The following ZNF570 variants were observed in gnomAD, a reference collection of about 807,000 sequenced individuals.
The protein encoded by ZNF570 is zinc finger protein 570.
In ZNF570, 8 loss-of-function variants were observed where a neutral mutation model predicts 14.2. The observed-to-expected ratio is 0.56, with a 90% CI of 0.33 to 1.02. ZNF570 has a LOEUF of 1.02. ZNF570 is among the 50% of genes least tolerant of loss of function. ZNF570 has a pLI of 0.03. For synonymous variants in ZNF570, 202 were observed against 207.6 expected, an observed-to-expected ratio of 0.97 and a Z score of 0.23; for missense variants, 559 against 624.9, an observed-to-expected ratio of 0.89 and a Z score of 1.12.
In ZNF570 at chr19:37,485,843, G is replaced by A. The variant is rs1201818608; in HGVS notation, c.*610G>A. On this transcript the variant is annotated 3_prime_UTR_variant, in exon 5 of 5. Coordinates refer to ENST00000330173, the MANE Select transcript of ZNF570 (RefSeq NM_144694.5). ...AGATCACCCAAGGTCAGGAGTTTGA[G>A]ACCAGCCAGACTAACATGGCGAAAC... 1 of 152,152 alleles carries A rather than the reference G, an allele frequency of 6.6e-6. No individual in the cohort carries two copies. The highest frequency in any genetic ancestry group is 1.5e-5 in the Non-Finnish European group (1 of 68,086). The allele number at this position is 152,152 out of a possible 1,614,324, so 9.4% of individuals were successfully genotyped here.
At chr19:37,469,810 C>T (rs1479393143) in intron 1 of ZNF570, among the ~76,000 whole-genome samples, 1 of 152,172 alleles carries the variant, frequency 6.6e-6, no homozygotes, top group African/African-American at 2.4e-5. Flanking sequence ...GTGAGGCAGT[C>T]CATACCCATG....
upstream of ZNF570, chr19:37,468,003 C>A (rs756639386): frequency 7.0e-7 from 1 of 1,433,684 alleles, no homozygotes; most frequent in Admixed American, 2.0e-5. Context: ...CGCCTGACTT[C>A]TAAACAGACT....
chr19:37,468,317 G>A (rs755037028), upstream of ZNF570, among the ~76,000 whole-genome samples: 4 of 152,144 alleles, frequency 2.6e-5, no homozygotes, highest in African/African-American at 4.8e-5. Flanking sequence ...TCGAACTCCT[G>A]AGCTCAAGCG....
chr19:37,469,499 G>A lies in ZNF570; in HGVS notation c.-110G>A, dbSNP rs891660671. ...CAGGTCGGGAGTGGGCTGAGGAGTGGCGTGTGGGTCTCCGGAAGCTCGTCG... is the reference window on the plus strand; with the variant it reads ...CAGGTCGGGAGTGGGCTGAGGAGTGACGTGTGGGTCTCCGGAAGCTCGTCG... On this transcript the variant is annotated 5_prime_UTR_variant, in exon 1 of 5. Coordinates refer to ENST00000330173, the MANE Select transcript of ZNF570 (RefSeq NM_144694.5). 8 of 1,536,402 alleles carry A rather than the reference G, an allele frequency of 5.2e-6. No individual in the cohort carries two copies. In the Admixed American group the frequency reaches 1.6e-4, roughly 30 times the overall value.
In ZNF570 at chr19:37,475,886, G is replaced by C; in HGVS notation, c.39G>C (p.Leu13Phe). The C allele has an allele frequency of 6.2e-7, 1 of 1,607,912 alleles. No individual in the cohort carries two copies. The highest frequency in any genetic ancestry group is 8.5e-7 in the Non-Finnish European group (1 of 1,178,284). ...VGLLKAMYQE[L>F]VTFRDVAVDF... ...TTCCATTTATTTCATTTCAGGAGTTGGTGACCTTCAGAGATGTGGCTGTAG... is the reference window on the plus strand; with the variant it reads ...TTCCATTTATTTCATTTCAGGAGTTCGTGACCTTCAGAGATGTGGCTGTAG... The change falls in exon 3 of 5, where the codon TTG becomes TTC. Residue 13 changes from leucine (L) to phenylalanine (F), a missense_variant. By Grantham distance (22) the Leu-to-Phe change is conservative. Transcript: ENST00000330173.
At position 37,488,533 on chromosome 19, in the gene ZNF570, G is replaced by T. The variant is rs1015318237; in HGVS notation, c.*3300G>T. 6.6e-6 allele frequency: 1 copy of T among 152,050 alleles called. No homozygotes were observed. The highest frequency in any genetic ancestry group is 6.6e-5 in the Admixed American group (1 of 15,260). The allele number at this position is 152,050 out of a possible 1,614,324, so 9.4% of individuals were successfully genotyped here. A position where few individuals can be genotyped will look rare whatever the true frequency, so the allele number is the denominator to read the frequency against. ...TTTCTTTTAAAAATAAGCAAATACT[G>T]TATAGCCAATTCTTAAAATTTGATA... On this transcript the variant is annotated 3_prime_UTR_variant, in exon 5 of 5. Transcript: ENST00000330173.
At chr19:37,479,394 G>A (rs2042061522) in intron 4 of ZNF570, among the ~76,000 whole-genome samples, 1 of 152,052 alleles carries the variant, frequency 6.6e-6, no homozygotes, top group Non-Finnish European at 1.5e-5. Context: ...AGTATTTTGA[G>A]ACTTGCTTTA....
chr19:37,487,201 CAAAAAAAAAAAAAAA>C lies in ZNF570; in HGVS notation c.*1981_*1995del, dbSNP rs60321298. ...TGGGCAATACAGCAAGACTCCATCT[CAAAAAAAAAAAAAAA>C]AAAAAAAAAAAAGCACTACCCCCAG... On this transcript the variant is annotated 3_prime_UTR_variant, in exon 5 of 5. Transcript: ENST00000330173. The C allele has an allele frequency of 2.2e-5, 1 of 44,830 alleles. No individual in the cohort carries two copies. Among genetic ancestry groups the C allele is most frequent in the Non-Finnish European group, 4.3e-5 (1 of 23,416 alleles). The allele number at this position is 44,830 out of a possible 1,614,324, so 2.8% of individuals were successfully genotyped here.
chr19:37,473,266 G>T (rs1337566813), intron 2 of ZNF570, among the ~76,000 whole-genome samples: 1 of 152,130 alleles, frequency 6.6e-6, no homozygotes, highest in African/African-American at 2.4e-5. Context: ...TGCTTAGCAT[G>T]GTTGGTATGA....
At chr19:37,471,390 C>T (rs13343502) in intron 2 of ZNF570, among the ~76,000 whole-genome samples, 31,813 of 151,964 alleles carry the variant, frequency 0.21, 3,560 homozygotes, top group South Asian at 0.32. Context: ...CTCAGATACC[C>T]GATACAGACC....
chr19:37,472,783 C>T (rs2041983609), intron 2 of ZNF570, among the ~76,000 whole-genome samples: 2 of 147,864 alleles, frequency 1.4e-5, no homozygotes, highest in South Asian at 4.3e-4. Context: ...TGGGTGGTAA[C>T]TGAAGGAGAA....
At chr19:37,470,496 A>T in intron 2 of ZNF570, 109 bp downstream of exon 2, 1 of 928,786 alleles carries the variant, frequency 1.1e-6, no homozygotes. Context: ...CATGTCCCTT[A>T]TCAACACTCT....
Position 37,488,143 on chromosome 19 carries a change from A to G in ZNF570, c.*2910A>G, listed in dbSNP as rs1229380992. The G allele has an allele frequency of 6.6e-6, 1 of 152,218 alleles. No homozygotes were observed. Among genetic ancestry groups the G allele is most frequent in the African/African-American group, 2.4e-5 (1 of 41,456 alleles). 9.4% of individuals were successfully genotyped at this position (152,218 alleles called of 1,614,324 possible). On this transcript the variant is annotated 3_prime_UTR_variant, in exon 5 of 5. Coordinates refer to ENST00000330173, the MANE Select transcript of ZNF570 (RefSeq NM_144694.5). ...GTCTCTCCTCGTGTTTCAAGGAGAT[A>G]CATATGATGGTCCATTGCAGAACTG...
At position 37,469,875 on chromosome 19, in the gene ZNF570, C is replaced by G. The variant is rs116924507; in HGVS notation, c.-52+318C>G. ...GGTTGGCACTGTAGTTTTTCAGACT[C>G]TGATTATGTGGGGGATTGAGTGAGA... On this transcript the variant is annotated intron_variant, in intron 1 of 4. Coordinates refer to ENST00000330173, the MANE Select transcript of ZNF570 (RefSeq NM_144694.5). Among the ~76,000 whole-genome samples, 955 of 152,288 alleles carry G rather than the reference C, an allele frequency of 6.3e-3. 25 individuals are homozygous for G. Among genetic ancestry groups the G allele is most frequent in the East Asian group, 0.053 (272 of 5,180 alleles).
At position 37,488,160 on chromosome 19, in the gene ZNF570, G is replaced by A. The variant is rs140709074; in HGVS notation, c.*2927G>A. The A allele has an allele frequency of 1.3e-5, 2 of 152,286 alleles. No individual in the cohort carries two copies. The highest frequency in any genetic ancestry group is 3.9e-4 in the East Asian group (2 of 5,186). 9.4% of individuals were successfully genotyped at this position (152,286 alleles called of 1,614,324 possible). A position where few individuals can be genotyped will look rare whatever the true frequency, so the allele number is the denominator to read the frequency against. ...AAGGAGATACATATGATGGTCCATT[G>A]CAGAACTGTGAGAATGAGAAGTTGA... On this transcript the variant is annotated 3_prime_UTR_variant, in exon 5 of 5. Transcript: ENST00000330173.
upstream of ZNF570, chr19:37,467,902 T>C: frequency 6.5e-7 from 1 of 1,536,108 alleles, no homozygotes; most frequent in Non-Finnish European, 8.7e-7. Context: ...TGTGCATGTA[T>C]TTGTTCTTTC....
intron 2 of ZNF570, among the ~76,000 whole-genome samples, chr19:37,471,528 C>T (rs1430295398): frequency 2.0e-5 from 3 of 152,334 alleles, no homozygotes; most frequent in Middle Eastern, 3.4e-3. Flanking sequence ...CCCTGGTGAT[C>T]TCATCCTGTC....
intron 2 of ZNF570, among the ~76,000 whole-genome samples, chr19:37,473,762 G>A (rs1011873367): frequency 6.6e-6 from 1 of 152,112 alleles, no homozygotes; most frequent in Non-Finnish European, 1.5e-5. Context: ...TGTGGATATC[G>A]AAGTGACCAA....
At chr19:37,472,358 T>C (rs550368183) in intron 2 of ZNF570, among the ~76,000 whole-genome samples, 4 of 148,964 alleles carry the variant, frequency 2.7e-5, no homozygotes, top group Non-Finnish European at 4.4e-5. Flanking sequence ...ATCTTGTTAA[T>C]ACATAAGTTG....
Sources: gnomAD v4.1 joint callset for allele counts (sites outside exome capture counted in the v4.1 genomes callset) on GRCh38, gnomAD v4.1.1 for gene constraint, MANE v1.5 for transcripts, NCBI Gene and HGNC (gene_info 2026-07-23, HGNC 2026-07-21) for gene names.